The following AK5 variants were observed in gnomAD, a reference collection of about 807,000 sequenced individuals.
AK5 encodes the protein adenylate kinase isoenzyme 5.
AK5 carries 27 observed loss-of-function variants against 69.5 expected under a neutral mutation model. The ratio of observed to expected loss-of-function variants is 0.39; its 90% CI spans 0.29 to 0.54. The LOEUF is 0.54. Ranked by LOEUF, AK5 falls within the 20% of genes least tolerant of loss-of-function variation. AK5 has a pLI of 0.71. For synonymous variants in AK5, 260 were observed against 244.4 expected, an observed-to-expected ratio of 1.06 and a Z score of -0.60; for missense variants, 531 against 700.4, an observed-to-expected ratio of 0.76 and a Z score of 2.73.
chr1:77,369,318 A>T (rs1215593960), intron 6 of AK5, among the ~76,000 whole-genome samples: 1 of 152,166 alleles, frequency 6.6e-6, no homozygotes, highest in Non-Finnish European at 1.5e-5. Flanking sequence ...ATTATTGAGA[A>T]GAGTATACAT....
rs971897125 is a variant in AK5, at chr1:77,375,628, C to T, written c.891+35060C>T. On this transcript the variant is annotated intron_variant, in intron 6 of 13. Transcript: ENST00000354567. ...CTATTCTGCAAGTCTTCCTAGGTCCCTGTCTAGGAGTATTTGCAATATGTC... is the reference window on the plus strand; with the variant it reads ...CTATTCTGCAAGTCTTCCTAGGTCCTTGTCTAGGAGTATTTGCAATATGTC... 7.2e-5 allele frequency among the ~76,000 whole-genome samples: 11 copies of T among 152,176 alleles called. No homozygotes were observed. The East Asian group carries it at 1.9e-3, about 27-fold the overall frequency.
chr1:77,340,414 C>T lies in AK5; in HGVS notation c.737C>T (p.Ala246Val). 6.2e-7 allele frequency: 1 copy of T among 1,614,044 alleles called. No homozygotes were observed. The highest frequency in any genetic ancestry group is 8.5e-7 in the Non-Finnish European group (1 of 1,179,934). Residue 246 changes from alanine to valine, a missense_variant, in exon 6 of 14, where the codon GCT becomes GTT. By Grantham distance (64) the Ala-to-Val change is moderately conservative. Transcript: ENST00000354567. ...TPDLVVFLAC[A>V]NQRLKERLLK... Reference sequence around the variant, plus strand: ...GATTTGGTGGTATTCCTGGCTTGTGCTAATCAGAGACTCAAAGAAAGATTA... The same window carrying T: ...GATTTGGTGGTATTCCTGGCTTGTGTTAATCAGAGACTCAAAGAAAGATTA...
At chr1:77,543,693 T>C (rs1659394170) in intron 13 of AK5, among the ~76,000 whole-genome samples, 1 of 152,118 alleles carries the variant, frequency 6.6e-6, no homozygotes, top group Non-Finnish European at 1.5e-5. Flanking sequence ...CCACTGGCGA[T>C]AGGGAGCAGT....
At chr1:77,476,593 G>C (rs77940001) in intron 8 of AK5, among the ~76,000 whole-genome samples, 1,566 of 152,176 alleles carry the variant, frequency 0.01, 35 homozygotes, top group East Asian at 0.079. Flanking sequence ...GCCCCTCCCT[G>C]CTCACCATAC....
intron 5 of AK5, among the ~76,000 whole-genome samples, chr1:77,336,703 T>C (rs1438716643): frequency 6.6e-6 from 1 of 152,170 alleles, no homozygotes; most frequent in Non-Finnish European, 1.5e-5. Context: ...ATTAACTAAC[T>C]TTTCTTTCTG....
Position 77,502,113 on chromosome 1 carries a change from T to C in AK5, c.1147+15761T>C, listed in dbSNP as rs535558688. ...TGGAACTTTGAATCAGTTAGGATTT[T>C]GTTTGGCTGAAAGTTTTTAAAAAAA... On this transcript the variant is annotated intron_variant, in intron 10 of 13. Coordinates refer to ENST00000354567, the MANE Select transcript of AK5 (RefSeq NM_174858.3). 1.1e-4 allele frequency among the ~76,000 whole-genome samples: 16 copies of C among 152,370 alleles called. No individual in the cohort carries two copies. The South Asian group carries it at 3.3e-3, about 32-fold the overall frequency.
intron 6 of AK5, among the ~76,000 whole-genome samples, chr1:77,393,355 G>T (rs1157900606): frequency 6.6e-6 from 1 of 152,168 alleles, no homozygotes; most frequent in Non-Finnish European, 1.5e-5. Context: ...CTTTAAGTTA[G>T]TGTCTGCTTG....
intron 7 of AK5, among the ~76,000 whole-genome samples, chr1:77,417,242 C>T (rs1462919262): frequency 6.6e-6 from 1 of 151,972 alleles, no homozygotes; most frequent in Non-Finnish European, 1.5e-5. Context: ...GTTGCAAATC[C>T]TGAAACTGCT....
intron 8 of AK5, among the ~76,000 whole-genome samples, chr1:77,443,045 A>G (rs1652427267): frequency 6.6e-6 from 1 of 152,090 alleles, no homozygotes; most frequent in African/African-American, 2.4e-5. Context: ...GACAACTTTC[A>G]CACCTACCGG....
intron 6 of AK5, chr1:77,371,283 G>A (rs573784252): frequency 6.6e-6 from 1 of 152,292 alleles, no homozygotes; most frequent in South Asian, 2.1e-4. Context: ...ATTTAAAGGA[G>A]CAGTCCCACG....
At chr1:77,283,007 G>C in intron 1 of AK5, 1 of 985,588 alleles carries the variant, frequency 1.0e-6, no homozygotes, top group Non-Finnish European at 1.2e-6. Context: ...TTGGGCCGCA[G>C]GTTTCGCCAG....
chr1:77,365,676 A>G (rs1403979281), intron 6 of AK5, among the ~76,000 whole-genome samples: 1 of 152,186 alleles, frequency 6.6e-6, no homozygotes, highest in African/African-American at 2.4e-5. Flanking sequence ...TGAGAATCTA[A>G]TGGCACTGCT....
chr1:77,437,906 G>C (rs1428365351), intron 8 of AK5, among the ~76,000 whole-genome samples: 3 of 152,060 alleles, frequency 2.0e-5, no homozygotes, highest in Admixed American at 6.5e-5. Context: ...TGATCTGAGA[G>C]CCTAACTTTT....
chr1:77,317,611 T>C (rs1660308794), intron 5 of AK5, among the ~76,000 whole-genome samples: 4 of 152,226 alleles, frequency 2.6e-5, no homozygotes, highest in Admixed American at 2.6e-4. Context: ...TTTGAACTTT[T>C]AGAGTCTTCT....
chr1:77,380,809 G>C (rs1219415219), intron 6 of AK5, among the ~76,000 whole-genome samples: 2 of 152,186 alleles, frequency 1.3e-5, no homozygotes, highest in African/African-American at 2.4e-5. Context: ...CCTGAGCTGA[G>C]TCATGAAGGG....
At chr1:77,550,051 C>T (rs1250840402) in intron 13 of AK5, among the ~76,000 whole-genome samples, 1 of 152,094 alleles carries the variant, frequency 6.6e-6, no homozygotes, top group Non-Finnish European at 1.5e-5. Flanking sequence ...GCCTTGAACT[C>T]CTGGCCTCAA....
rs149477906 is a variant in AK5, at chr1:77,360,497, G to C, written c.891+19929G>C. On this transcript the variant is annotated intron_variant, in intron 6 of 13. Transcript: ENST00000354567. ...GGATAGAGTAGGCAGAGAAGTTAGG[G>C]GGGGTGGATGTCAGAAAATGGAGTT... Among the ~76,000 whole-genome samples, 1,476 of 152,216 alleles carry C rather than the reference G, an allele frequency of 9.7e-3. 30 individuals are homozygous for C. The highest frequency in any genetic ancestry group is 0.032 in the African/African-American group (1,329 of 41,516).
In AK5 at chr1:77,489,228, G is replaced by C. The variant is rs188868149; in HGVS notation, c.1147+2876G>C. Among the ~76,000 whole-genome samples, 15 of 151,892 alleles carry C rather than the reference G, an allele frequency of 9.9e-5. No individual in the cohort carries two copies. In the East Asian group the frequency reaches 2.9e-3, roughly 29 times the overall value. On this transcript the variant is annotated intron_variant, in intron 10 of 13. Transcript: ENST00000354567. ...AGCTCGAAACCTCCAAGGGTCCACA[G>C]ACCACCCTCTAAGAATTGCTGCACT...
intron 6 of AK5, among the ~76,000 whole-genome samples, chr1:77,378,755 G>T (rs1476293645): frequency 6.6e-6 from 1 of 152,214 alleles, no homozygotes; most frequent in Non-Finnish European, 1.5e-5. Context: ...CTCCAGGGAA[G>T]ATAAAGGAGC....
Sources: gnomAD v4.1 joint callset for allele counts (sites outside exome capture counted in the v4.1 genomes callset) on GRCh38, gnomAD v4.1.1 for gene constraint, MANE v1.5 for transcripts, NCBI Gene and HGNC (gene_info 2026-07-23, HGNC 2026-07-21) for gene names.